Variants in APLF observed in about 807,000 individuals in gnomAD.
APLF encodes the protein aprataxin and PNK-like factor.
In APLF, 61 loss-of-function variants were observed where a neutral mutation model predicts 55.6. The ratio of observed to expected loss-of-function variants is 1.10; its 90% CI spans 0.89 to 1.36. The LOEUF (loss-of-function observed/expected upper bound fraction) is 1.36. APLF is among the 40% of genes most tolerant of loss of function. APLF has a pLI of 0.00. For synonymous variants in APLF, 207 were observed against 214.8 expected, an observed-to-expected ratio of 0.96 and a Z score of 0.32; for missense variants, 611 against 602.5, an observed-to-expected ratio of 1.01 and a Z score of -0.15.
chr2:68,518,856 AT>A (rs1669777269), intron 5 of APLF, among the ~76,000 whole-genome samples: 8 of 126,760 alleles, frequency 6.3e-5, no homozygotes, highest in African/African-American at 1.9e-4. Flanking sequence ...AAATACTAAT[AT>A]TATGTCATTA....
At chr2:68,518,765 TA>T (rs1292018897) in intron 5 of APLF, among the ~76,000 whole-genome samples, 1 of 111,916 alleles carries the variant, frequency 8.9e-6, no homozygotes, top group Non-Finnish European at 1.6e-5. Context: ...AATAAAATAT[TA>T]ATAATATATC....
chr2:68,511,124 T>G (rs1027652025), intron 3 of APLF, among the ~76,000 whole-genome samples: 2 of 151,810 alleles, frequency 1.3e-5, no homozygotes, highest in African/African-American at 4.8e-5. Flanking sequence ...GTTAACATAC[T>G]AATAACCACT....
intron 9 of APLF, among the ~76,000 whole-genome samples, chr2:68,571,028 A>G (rs1427091961): frequency 7.9e-5 from 12 of 151,932 alleles, no homozygotes; most frequent in East Asian, 3.9e-4. Flanking sequence ...GTTTTGATTT[A>G]CATTTCTCTG....
At chr2:68,472,957 C>T (rs971642736) in intron 1 of APLF, among the ~76,000 whole-genome samples, 5 of 152,034 alleles carry the variant, frequency 3.3e-5, no homozygotes, top group Non-Finnish European at 7.4e-5. Context: ...ACAGCTTCCC[C>T]GACTATCAAC....
At chr2:68,558,986 T>C (rs2104047993) in intron 8 of APLF, among the ~76,000 whole-genome samples, 1 of 152,338 alleles carries the variant, frequency 6.6e-6, no homozygotes, top group East Asian at 1.9e-4. Flanking sequence ...AACTAAAAAC[T>C]ATTATTCTGT....
intron 5 of APLF, among the ~76,000 whole-genome samples, chr2:68,522,186 G>A (rs893886499): frequency 2.6e-5 from 4 of 151,636 alleles, no homozygotes; most frequent in Admixed American, 6.6e-5. Context: ...GTATTTTAAG[G>A]TTGATATTAG....
intron 1 of APLF, among the ~76,000 whole-genome samples, chr2:68,477,882 A>G (rs369312022): frequency 2.6e-5 from 4 of 152,100 alleles, no homozygotes; most frequent in South Asian, 2.1e-4. Context: ...TGAGAACAGT[A>G]TGGGAGAAAC....
At chr2:68,493,074 T>C (rs1676420857) in intron 2 of APLF, among the ~76,000 whole-genome samples, 1 of 152,218 alleles carries the variant, frequency 6.6e-6, no homozygotes, top group African/African-American at 2.4e-5. Flanking sequence ...GTTGTTGTTA[T>C]GTTTCTGAAG....
intron 1 of APLF, among the ~76,000 whole-genome samples, chr2:68,476,083 G>A (rs1259709952): frequency 6.6e-6 from 1 of 150,614 alleles, no homozygotes; most frequent in Non-Finnish European, 1.5e-5. Flanking sequence ...TTTGTCTGTT[G>A]TTGATACAGC....
chr2:68,527,073 C>T lies in APLF; in HGVS notation c.804+831C>T, dbSNP rs371143735. Among the ~76,000 whole-genome samples the T allele has an allele frequency of 2.9e-4, 44 of 151,832 alleles. 1 individual carries two copies. Among genetic ancestry groups the T allele is most frequent in the African/African-American group, 9.7e-4 (40 of 41,400 alleles). On this transcript the variant is annotated intron_variant, in intron 6 of 9. Coordinates refer to ENST00000303795, the MANE Select transcript of APLF (RefSeq NM_173545.3). ...AGATGGTGAGGGGGCCGGGTAGAGG[C>T]GCTCCTCACTTCCCAGACGGTGCAG...
chr2:68,552,831 G>C (rs377668328), intron 8 of APLF, among the ~76,000 whole-genome samples: 1 of 152,104 alleles, frequency 6.6e-6, no homozygotes, highest in Non-Finnish European at 1.5e-5. Context: ...CTGTAGATAC[G>C]TGTAGATGTA....
intron 5 of APLF, among the ~76,000 whole-genome samples, chr2:68,520,378 A>T (rs1669862160): frequency 6.6e-6 from 1 of 151,974 alleles, no homozygotes; most frequent in South Asian, 2.1e-4. Context: ...CTTGGTCATG[A>T]AGTCTTTTCC....
At chr2:68,478,029 T>C (rs1047625902) in intron 1 of APLF, among the ~76,000 whole-genome samples, 36 of 152,094 alleles carry the variant, frequency 2.4e-4, no homozygotes, top group African/African-American at 8.4e-4. Context: ...TGATGTCTCA[T>C]GAGTCTTGTA....
chr2:68,558,815 C>T (rs1045102385), intron 8 of APLF, among the ~76,000 whole-genome samples: 6 of 152,072 alleles, frequency 3.9e-5, no homozygotes, highest in African/African-American at 7.2e-5. Context: ...CACTCACCAC[C>T]GACAGGACCC....
At chr2:68,558,624 T>A (rs1010960027) in intron 8 of APLF, among the ~76,000 whole-genome samples, 1 of 152,052 alleles carries the variant, frequency 6.6e-6, no homozygotes, top group Non-Finnish European at 1.5e-5. Context: ...AACAGTTCTG[T>A]TTTTTTTCTC....
rs146751221 is a variant in APLF, at chr2:68,474,834, G to A, written c.96+7007G>A. 6.5e-3 allele frequency among the ~76,000 whole-genome samples: 984 copies of A among 152,188 alleles called. 7 individuals carry two copies. The highest frequency in any genetic ancestry group is 0.023 in the African/African-American group (937 of 41,522). On this transcript the variant is annotated intron_variant, in intron 1 of 9. Coordinates refer to ENST00000303795, the MANE Select transcript of APLF (RefSeq NM_173545.3). The stretch of plus-strand genomic sequence containing the variant: ...TAGGCATGTGCCACCACAACCGGCT[G>A]ATTTTGTATTTTTAATAGAGACACG...
Position 68,502,742 on chromosome 2 carries a change from T to G in APLF, c.180T>G (p.Asn60Lys), listed in dbSNP as rs764402750. The G allele has an allele frequency of 6.6e-7, 1 of 1,525,174 alleles. No homozygotes were observed. The highest frequency in any genetic ancestry group is 1.4e-5 in the South Asian group (1 of 73,196). The allele number at this position is 1,525,174 out of a possible 1,614,324, so 94.5% of individuals were successfully genotyped here. The change falls in exon 3 of 10, where the codon AAT becomes AAG. Residue 60 changes from asparagine to lysine, a missense_variant. Asn to Lys is a moderately conservative substitution (Grantham distance 94). Coordinates refer to ENST00000303795, the MANE Select transcript of APLF (RefSeq NM_173545.3). The stretch of plus-strand genomic sequence containing the variant: ...TTTTAATTTGTTAGATACACACAAA[T>G]CCATGTTTTTACCAGTCTTCAGAGA... Reference protein sequence around the residue: ...GQLRIKPIHTNPCFYQSSEKS... With the variant: ...GQLRIKPIHTKPCFYQSSEKS...
chr2:68,555,879 C>A (rs1447596421), intron 8 of APLF, among the ~76,000 whole-genome samples: 2 of 152,104 alleles, frequency 1.3e-5, no homozygotes, highest in East Asian at 1.9e-4. Context: ...ATGAAGTCGT[C>A]ATATGAAAAA....
intron 6 of APLF, chr2:68,528,154 C>G (rs546088482): frequency 1.7e-5 from 11 of 631,238 alleles, no homozygotes; most frequent in Non-Finnish European, 3.1e-5. Flanking sequence ...CAGAGATGCT[C>G]CTCAGGTCTC....
Sources: gnomAD v4.1 joint callset for allele counts (sites outside exome capture counted in the v4.1 genomes callset) on GRCh38, gnomAD v4.1.1 for gene constraint, MANE v1.5 for transcripts, NCBI Gene and HGNC (gene_info 2026-07-23, HGNC 2026-07-21) for gene names.